The following RGS7 variants were observed in gnomAD, a reference collection of about 807,000 sequenced individuals.
The protein encoded by RGS7 is regulator of G-protein signaling 7.
A neutral mutation model predicts 81.1 loss-of-function variants in RGS7; 27 were observed. The ratio of observed to expected loss-of-function variants is 0.33; its 90% confidence interval spans 0.25 to 0.46. The LOEUF is 0.46. Among genes scored for constraint, RGS7 ranks in the 20% least tolerant of loss-of-function variants. RGS7 has a pLI of 1.00. For missense variants in RGS7, 396 were observed against 607.4 expected (o/e 0.65, Z 3.66); for synonymous variants, 208 against 207.7 (o/e 1.00, Z -0.01).
At chr1:240,994,497 T>C (rs561328471) in intron 3 of RGS7, among the ~76,000 whole-genome samples, 1 of 152,296 alleles carries the variant, frequency 6.6e-6, no homozygotes, top group African/African-American at 2.4e-5. Flanking sequence ...AAATGTAATT[T>C]ACTTTTGTAT....
chr1:241,155,469 C>T (rs540204203), intron 2 of RGS7, among the ~76,000 whole-genome samples: 11 of 150,540 alleles, frequency 7.3e-5, no homozygotes, highest in Admixed American at 1.3e-4. Context: ...AAAAGAGATA[C>T]GACACCTTTT....
At chr1:241,189,882 A>G (rs71648644) in intron 2 of RGS7, among the ~76,000 whole-genome samples, 33,409 of 151,894 alleles carry the variant, frequency 0.22, 4,492 homozygotes, top group Admixed American at 0.3. Flanking sequence ...TTGGGAGGCC[A>G]AGGCGGGCGG....
intron 9 of RGS7, among the ~76,000 whole-genome samples, chr1:240,841,173 C>A (rs1005328166): frequency 2.0e-5 from 3 of 152,198 alleles, no homozygotes; most frequent in Admixed American, 2.0e-4. Flanking sequence ...GTGTAAATAG[C>A]AGATTGCTTC....
intron 2 of RGS7, among the ~76,000 whole-genome samples, chr1:241,140,286 G>T (rs1183728145): frequency 6.6e-6 from 1 of 152,166 alleles, no homozygotes; most frequent in African/African-American, 2.4e-5. Flanking sequence ...ACACTTGAAA[G>T]CTCCTACCAG....
In RGS7 at chr1:241,328,563, C is replaced by T. The variant is rs142644151; in HGVS notation, c.78+27136G>A. Among the ~76,000 whole-genome samples the T allele has an allele frequency of 6.8e-3, 1,034 of 152,288 alleles. 9 individuals are homozygous for T. The highest frequency in any genetic ancestry group is 0.01 in the Middle Eastern group (3 of 294). On this transcript the variant is annotated intron_variant, in intron 2 of 18. Coordinates refer to ENST00000440928, the MANE Select transcript of RGS7 (RefSeq NM_001364886.1). ...CAGCACTTTGACCAGGTTAATTTAA[C>T]CTGTCTAAATTTTCACCTTCTGCCT...
At chr1:240,856,171 T>C (rs1165567510) in intron 9 of RGS7, among the ~76,000 whole-genome samples, 1 of 152,224 alleles carries the variant, frequency 6.6e-6, no homozygotes, top group Non-Finnish European at 1.5e-5. Flanking sequence ...TTTAATAAAA[T>C]GTATTAGCCC....
chr1:241,078,303 G>C (rs2493007), intron 3 of RGS7, among the ~76,000 whole-genome samples: 951 of 42,574 alleles, frequency 0.022, 11 homozygotes, highest in African/African-American at 0.17. Context: ...TCTGGTCTCT[G>C]TGTGTGTGTG....
chr1:241,241,066 A>G (rs1383048981), intron 2 of RGS7, among the ~76,000 whole-genome samples: 8 of 152,136 alleles, frequency 5.3e-5, no homozygotes, highest in Non-Finnish European at 1.2e-4. Context: ...CTCATCGGCT[A>G]GAACTGCCTG....
intron 2 of RGS7, among the ~76,000 whole-genome samples, chr1:241,237,593 T>G (rs1353531695): frequency 6.6e-6 from 1 of 152,200 alleles, no homozygotes; most frequent in Non-Finnish European, 1.5e-5. Context: ...AAAGTTTTAC[T>G]GAAGGACTTA....
intron 9 of RGS7, among the ~76,000 whole-genome samples, chr1:240,867,584 C>A (rs1260705436): frequency 6.6e-6 from 1 of 152,086 alleles, no homozygotes; most frequent in East Asian, 1.9e-4. Context: ...AGGAAGAAAG[C>A]CAGCTAAGTT....
At chr1:240,779,233 A>G (rs1037624059) in intron 18 of RGS7, among the ~76,000 whole-genome samples, 1 of 151,742 alleles carries the variant, frequency 6.6e-6, no homozygotes, top group Non-Finnish European at 1.5e-5. Context: ...GGAGGGCCTC[A>G]AATTGCTTGA....
At chr1:241,325,696 T>A (rs182417541) in intron 2 of RGS7, among the ~76,000 whole-genome samples, 1 of 152,222 alleles carries the variant, frequency 6.6e-6, no homozygotes, top group Non-Finnish European at 1.5e-5. Flanking sequence ...ATTTTAGATC[T>A]GATACTTGTT....
At chr1:241,265,633 A>G (rs2148311110) in intron 2 of RGS7, among the ~76,000 whole-genome samples, 1 of 152,302 alleles carries the variant, frequency 6.6e-6, no homozygotes, top group Non-Finnish European at 1.5e-5. Context: ...AATTATCCAG[A>G]CAAAGACTGA....
chr1:241,113,261 C>T (rs4504877), intron 2 of RGS7, among the ~76,000 whole-genome samples: 16,646 of 152,102 alleles, frequency 0.11, 1,059 homozygotes, highest in East Asian at 0.3. Context: ...TAAAAAGGTA[C>T]CTCACTTATT....
At chr1:241,149,236 G>A (rs1264593189) in intron 2 of RGS7, among the ~76,000 whole-genome samples, 3 of 151,824 alleles carry the variant, frequency 2.0e-5, no homozygotes, top group Admixed American at 1.3e-4. Flanking sequence ...GCGCAATCTC[G>A]GCTCACTGCA....
chr1:240,817,840 C>T (rs181599187), intron 10 of RGS7, among the ~76,000 whole-genome samples: 18 of 152,202 alleles, frequency 1.2e-4, no homozygotes, highest in South Asian at 8.3e-4. Flanking sequence ...TGACCTCAGG[C>T]GACCCATCCG....
At chr1:241,155,236 G>A (rs2069033485) in intron 2 of RGS7, among the ~76,000 whole-genome samples, 1 of 152,072 alleles carries the variant, frequency 6.6e-6, no homozygotes, top group Admixed American at 6.6e-5. Flanking sequence ...AAGTAGCTGG[G>A]ATTACAGGTG....
intron 6 of RGS7, among the ~76,000 whole-genome samples, chr1:240,882,885 A>G (rs983550256): frequency 2.6e-5 from 4 of 152,040 alleles, no homozygotes. Flanking sequence ...CATTTAATTT[A>G]CCCTTTCGTT....
intron 18 of RGS7, among the ~76,000 whole-genome samples, chr1:240,793,648 C>T (rs1317250885): frequency 1.1e-4 from 13 of 118,426 alleles, no homozygotes; most frequent in African/African-American, 2.8e-4. Context: ...CTTGCACTGT[C>T]GCCCAGGCTG....
Sources: allele counts gnomAD v4.1 joint callset (sites outside exome capture counted in the v4.1 genomes callset), GRCh38; gene constraint gnomAD v4.1.1; transcripts MANE v1.5; gene names NCBI Gene and HGNC (gene_info 2026-07-23, HGNC 2026-07-21).